The following EFNB2 variants were observed in gnomAD, a reference collection of about 807,000 sequenced individuals.
EFNB2 encodes ephrin-B2.
In EFNB2, 5 loss-of-function variants were observed where a neutral mutation model predicts 32.1. That is an observed-to-expected ratio of 0.16 (90% CI 0.08 to 0.33). The LOEUF (loss-of-function observed/expected upper bound fraction) is 0.33. Among genes scored for constraint, EFNB2 ranks in the 10% least tolerant of loss-of-function variants. EFNB2 has a pLI of 1.00. For synonymous variants in EFNB2, 168 were observed against 166.5 expected, an observed-to-expected ratio of 1.01 and a Z score of -0.07; for missense variants, 263 against 422.6, an observed-to-expected ratio of 0.62 and a Z score of 3.31.
chr13:106,501,871 C>T (rs139293671), intron 2 of EFNB2, among the ~76,000 whole-genome samples: 21 of 152,252 alleles, frequency 1.4e-4, no homozygotes, highest in East Asian at 3.9e-4. Context: ...GGATTACAGG[C>T]GTGAGCCACC....
intron 2 of EFNB2, among the ~76,000 whole-genome samples, chr13:106,496,129 A>C (rs969359201): frequency 6.6e-6 from 1 of 152,204 alleles, no homozygotes; most frequent in Non-Finnish European, 1.5e-5. Flanking sequence ...TTAGTCTATA[A>C]ATAAAAGGGA....
intron 1 of EFNB2, among the ~76,000 whole-genome samples, chr13:106,532,823 G>T (rs1446919881): frequency 4.4e-5 from 4 of 90,886 alleles, no homozygotes; most frequent in Admixed American, 1.3e-4. Context: ...TCATCAGAAT[G>T]GGGGGGGGGA....
chr13:106,532,069 A>AAAC, intron 1 of EFNB2, among the ~76,000 whole-genome samples: 3 of 78,298 alleles, frequency 3.8e-5, no homozygotes, highest in African/African-American at 1.3e-4. Context: ...AAAAAAAACA[A>AAAC]AAAAAAAACC....
intron 2 of EFNB2, chr13:106,506,383 A>G (rs774473082): frequency 6.6e-6 from 1 of 152,202 alleles, no homozygotes. Context: ...GGGAAAAATG[A>G]TTATATGTAT....
intron 1 of EFNB2, chr13:106,517,151 G>A (rs1879341184): frequency 6.6e-6 from 1 of 152,194 alleles, no homozygotes; most frequent in South Asian, 2.1e-4. Flanking sequence ...TGCTGACTTT[G>A]AAAGTGTTAA....
chr13:106,512,901 C>A, intron 1 of EFNB2, 89 bp from the exon 2 acceptor site: 9 of 1,150,394 alleles, frequency 7.8e-6, no homozygotes, highest in Non-Finnish European at 1.1e-5. Flanking sequence ...TGCCCATAAT[C>A]CCAAACTACA....
chr13:106,504,591 CA>C (rs1375834121), intron 2 of EFNB2, among the ~76,000 whole-genome samples: 1 of 152,170 alleles, frequency 6.6e-6, no homozygotes, highest in African/African-American at 2.4e-5. Flanking sequence ...GCGTTTGTGC[CA>C]ATAAAAGAAT....
intron 2 of EFNB2, among the ~76,000 whole-genome samples, chr13:106,511,858 C>T (rs1879150087): frequency 6.6e-6 from 1 of 152,176 alleles, no homozygotes; most frequent in Non-Finnish European, 1.5e-5. Context: ...CACATCCTCA[C>T]AAGTCAGCCT....
At chr13:106,527,401 C>G (rs1318915624) in intron 1 of EFNB2, among the ~76,000 whole-genome samples, 1 of 152,160 alleles carries the variant, frequency 6.6e-6, no homozygotes, top group Non-Finnish European at 1.5e-5. Context: ...CGCTTACTTA[C>G]TCGTGCTTTA....
intron 2 of EFNB2, chr13:106,505,923 C>A (rs1194122790): frequency 6.6e-6 from 1 of 152,220 alleles, no homozygotes; most frequent in African/African-American, 2.4e-5. Flanking sequence ...TCCACAGCAG[C>A]TTTTTCTTCT....
intron 2 of EFNB2, among the ~76,000 whole-genome samples, 168 bp from the exon 3 acceptor site, chr13:106,496,008 AG>A (rs1878577115): frequency 6.6e-6 from 1 of 152,232 alleles, no homozygotes; most frequent in African/African-American, 2.4e-5. Flanking sequence ...AAAAAGAAAA[AG>A]AAAAAGAAAT....
rs533841777 is a variant in EFNB2 at position 106,502,967 on chromosome 13, C to T, written c.407-7127G>A. ...GTCCAGGCTCAGTGATGTACACTGACGCTTTTCTGAGAAAGACCAGACAGT... is the reference window on the plus strand; with the variant it reads ...GTCCAGGCTCAGTGATGTACACTGATGCTTTTCTGAGAAAGACCAGACAGT... On this transcript the variant is annotated intron_variant, in intron 2 of 4. Transcript: ENST00000646441. 8.5e-5 allele frequency among the ~76,000 whole-genome samples: 13 copies of T among 152,300 alleles called. No homozygotes were observed. In the South Asian group the frequency reaches 1.5e-3, roughly 17 times the overall value.
At chr13:106,532,902 G>A (rs1009710418) in intron 1 of EFNB2, among the ~76,000 whole-genome samples, 1 of 151,524 alleles carries the variant, frequency 6.6e-6, no homozygotes, top group African/African-American at 2.4e-5. Flanking sequence ...AGTTATTAAC[G>A]TCTAAACCTT....
At chr13:106,529,049 T>C (rs977517210) in intron 1 of EFNB2, among the ~76,000 whole-genome samples, 2 of 152,152 alleles carry the variant, frequency 1.3e-5, no homozygotes, top group East Asian at 1.9e-4. Flanking sequence ...CTTTTAAAAA[T>C]TGTATTTTAT....
chr13:106,500,198 T>C (rs1463563054), intron 2 of EFNB2, among the ~76,000 whole-genome samples: 2 of 152,208 alleles, frequency 1.3e-5, no homozygotes, highest in Non-Finnish European at 2.9e-5. Flanking sequence ...CTTCATCTGA[T>C]GTTCACCGCT....
chr13:106,535,118 G>T lies in EFNB2; in HGVS notation c.-154C>A. On this transcript the variant is annotated 5_prime_UTR_variant, in exon 1 of 5. Coordinates refer to ENST00000646441, the MANE Select transcript of EFNB2 (RefSeq NM_004093.4). ...GCGCTGCGCAGCTCCAGCGGTCGCC[G>T]GGCCAGGTGCGCTCGCTCTCCGGGG... 4.2e-6 allele frequency: 4 copies of T among 945,758 alleles called. No homozygotes were observed. The highest frequency in any genetic ancestry group is 5.6e-6 in the Non-Finnish European group (4 of 715,816). 58.6% of individuals were successfully genotyped at this position (945,758 alleles called of 1,614,324 possible).
At chr13:106,534,578 A>C (rs2138951960) in intron 1 of EFNB2, among the ~76,000 whole-genome samples, 1 of 152,292 alleles carries the variant, frequency 6.6e-6, no homozygotes, top group East Asian at 1.9e-4. Context: ...CCCGGACTTG[A>C]CACCCGAGCC....
At chr13:106,514,369 G>C (rs1343889664) in intron 1 of EFNB2, among the ~76,000 whole-genome samples, 1 of 152,130 alleles carries the variant, frequency 6.6e-6, no homozygotes, top group East Asian at 1.9e-4. Context: ...CCTCAACCTT[G>C]TGAATGGCAA....
chr13:106,515,393 G>T (rs1000975973), intron 1 of EFNB2, among the ~76,000 whole-genome samples: 4 of 152,134 alleles, frequency 2.6e-5, no homozygotes, highest in African/African-American at 9.7e-5. Context: ...GCTTATCAAA[G>T]CGGAAGTGTG....
Sources: gnomAD v4.1 joint callset for allele counts (sites outside exome capture counted in the v4.1 genomes callset) on GRCh38, gnomAD v4.1.1 for gene constraint, MANE v1.5 for transcripts, NCBI Gene and HGNC (gene_info 2026-07-23, HGNC 2026-07-21) for gene names.